MAGIX: variants seen among roughly 807,000 people sequenced by gnomAD.
The protein encoded by MAGIX is PDZ domain-containing protein MAGIX.
A neutral mutation model predicts 10.0 loss-of-function variants in MAGIX; 13 were observed. The observed-to-expected ratio is 1.30, with a 90% CI of 0.84 to 2.06. The LOEUF (loss-of-function observed/expected upper bound fraction) is 2.06. Ranked by LOEUF, MAGIX falls within the 30% of genes most tolerant of loss-of-function variation. MAGIX has a pLI of 0.00. For missense variants in MAGIX, 235 were observed against 245.2 expected (o/e 0.96, Z 0.28); for synonymous variants, 108 against 106.8 (o/e 1.01, Z -0.07).
At chrX:49,166,452 C>T in exon 5 of MAGIX, 1 of 1,008,339 alleles carries the variant, frequency 9.9e-7, no homozygotes, top group South Asian at 2.4e-5. Context: ...CTGGATCCGG[C>T]GCGTGTGGCC....
chrX:49,167,822 T>TAGTTTTATCCCTG (rs1337367738), exon 5 of MAGIX: 1 of 112,177 alleles, frequency 8.9e-6, no homozygotes, highest in Non-Finnish European at 1.9e-5. Flanking sequence ...ACCATGTACT[T>TAGTTTTATCCCTG]AGTTTTATCC....
Position 49,163,132 on chromosome X carries a change from G to T in MAGIX, c.-202+387G>T. The T allele has an allele frequency of 2.4e-5, 7 of 286,090 alleles. No individual in the cohort carries two copies. The South Asian group carries it at 1.4e-3, about 58-fold the overall frequency. The allele number at this position is 286,090 out of a possible 1,213,427, so 23.6% of individuals were successfully genotyped here. The stretch of plus-strand genomic sequence containing the variant: ...TCCCCTACCCACACCCACACACGAG[G>T]GAAAGGGCCGCGCACCAGAGCAGGG... On this transcript the variant is annotated intron_variant, in intron 1 of 4. Coordinates refer to ENST00000616266, the Ensembl canonical transcript of MAGIX.
rs1180167666 is a variant in MAGIX at position 49,163,886 on chromosome X, G to C, written c.-98G>C. 15 of 1,031,391 alleles carry C rather than the reference G, an allele frequency of 1.5e-5. No individual in the cohort carries two copies. In the East Asian group the frequency reaches 4.9e-4, roughly 34 times the overall value. The allele number at this position is 1,031,391 out of a possible 1,213,427, so 85.0% of individuals were successfully genotyped here. On this transcript the variant is annotated 5_prime_UTR_variant, in exon 2 of 5. Transcript: ENST00000616266. ...GAGCTGCGGTCGACGTGGCAGCGCT[G>C]GTACGCAGGGCGGGCGCCACATTGC...
chrX:49,163,860 C>G (rs782285552), exon 2 of MAGIX: 1 of 1,038,176 alleles, frequency 9.6e-7, no homozygotes, highest in East Asian at 4.1e-5. Context: ...CCTGGCGGCG[C>G]GAGCTGCGGT....
intron 1 of MAGIX, chrX:49,162,808 T>C: frequency 1.8e-6 from 1 of 569,555 alleles, no homozygotes; most frequent in Non-Finnish European, 2.6e-6. Flanking sequence ...CTCCAGGGCC[T>C]GGGCGGGCCG....
At chrX:49,163,884 C>G in exon 2 of MAGIX, 1 of 1,034,347 alleles carries the variant, frequency 9.7e-7, no homozygotes. Flanking sequence ...CGTGGCAGCG[C>G]TGGTACGCAG....
rs187168174 is a variant in MAGIX at position 49,165,544 on chromosome X, C to T, written c.502+183C>T. On this transcript the variant is annotated intron_variant, in intron 4 of 4. Coordinates refer to ENST00000616266, the Ensembl canonical transcript of MAGIX. The stretch of plus-strand genomic sequence containing the variant: ...GTACAGGGTCCCAGGATAGGAATAA[C>T]GTAGGGGCAGGGAGGGGTGTCAGTC... 1.2e-3 allele frequency: 478 copies of T among 398,153 alleles called. 2 individuals carry two copies. The highest frequency in any genetic ancestry group is 1.7e-3 in the Non-Finnish European group (404 of 241,085). The allele number at this position is 398,153 out of a possible 1,213,427, so 32.8% of individuals were successfully genotyped here.
At chrX:49,162,883 A>G in intron 1 of MAGIX, 2 of 902,884 alleles carry the variant, frequency 2.2e-6, no homozygotes, top group Non-Finnish European at 3.0e-6. Flanking sequence ...CCGGCGGACT[A>G]CTGGCCATGG....
intron 4 of MAGIX, chrX:49,165,775 G>A (rs191920191): frequency 1.5e-5 from 5 of 342,751 alleles, no homozygotes; most frequent in Admixed American, 5.3e-5. Context: ...TGGTTTGGGA[G>A]TCAACGGAGG....
exon 3 of MAGIX, chrX:49,164,785 C>T (rs781875366): frequency 2.5e-6 from 3 of 1,211,567 alleles, no homozygotes; most frequent in East Asian, 3.0e-5. Flanking sequence ...GATCACCGGC[C>T]CCAGGTACCA....
exon 5 of MAGIX, chrX:49,166,416 G>T: frequency 9.1e-7 from 1 of 1,102,248 alleles, no homozygotes; most frequent in Non-Finnish European, 1.2e-6. Context: ...CTCTGACAGC[G>T]CGGGGCTCAC....
At chrX:49,164,197 A>T in intron 2 of MAGIX, 1 of 263,666 alleles carries the variant, frequency 3.8e-6, no homozygotes, top group East Asian at 6.1e-5. Flanking sequence ...CTTTTTGAGG[A>T]GGCAGGGCCT....
chrX:49,162,815 G>A, intron 1 of MAGIX: 2 of 605,226 alleles, frequency 3.3e-6, no homozygotes, highest in Non-Finnish European at 4.8e-6. Context: ...GCCTGGGCGG[G>A]CCGCCAGGTG....
chrX:49,162,735 C>T, exon 1 of MAGIX: 1 of 326,369 alleles, frequency 3.1e-6, no homozygotes, highest in Non-Finnish European at 5.4e-6. Flanking sequence ...GGCCTCCTTG[C>T]TGGCCGCCAG....
Position 49,162,986 on chromosome X carries a change from T to C in MAGIX, c.-202+241T>C, listed in dbSNP as rs201161530. 356 of 432,634 alleles carry C rather than the reference T, an allele frequency of 8.2e-4. No homozygotes were observed. The East Asian group carries it at 0.015, about 18-fold the overall frequency. 35.7% of individuals were successfully genotyped at this position (432,634 alleles called of 1,213,427 possible). On this transcript the variant is annotated intron_variant, in intron 1 of 4. Transcript: ENST00000616266. ...GGAAGGACAGGGCGAGTCGCCGCCATCCCCGTCCCGCCTGTCTGCTCCACA... is the reference window on the plus strand; with the variant it reads ...GGAAGGACAGGGCGAGTCGCCGCCACCCCCGTCCCGCCTGTCTGCTCCACA...
At chrX:49,165,502 A>G (rs1292318511) in intron 4 of MAGIX, 141 bp downstream of exon 5, 18 of 546,036 alleles carry the variant, frequency 3.3e-5, no homozygotes, top group Non-Finnish European at 5.0e-5. Flanking sequence ...TATTCTCACA[A>G]GTAGGGGCAG....
At chrX:49,164,577 G>T in intron 2 of MAGIX, 130 bp from the exon 3 acceptor site, 1 of 570,869 alleles carries the variant, frequency 1.8e-6, no homozygotes, top group Non-Finnish European at 3.0e-6. Context: ...GTAAATGGTG[G>T]GCCAGTTTGT....
intron 1 of MAGIX, chrX:49,162,911 G>C (rs1484885229): frequency 3.7e-4 from 315 of 852,812 alleles, no homozygotes; most frequent in Non-Finnish European, 4.5e-4. Flanking sequence ...CACAGGGGAC[G>C]CCGCGGACCC....
chrX:49,164,547 A>G, intron 2 of MAGIX, 160 bp from the exon 3 acceptor site: 1 of 514,429 alleles, frequency 1.9e-6, no homozygotes, highest in Admixed American at 2.9e-5. Flanking sequence ...AACCTTTAAG[A>G]TTACTTGAGG....
Sources: gnomAD v4.1 joint callset for allele counts on GRCh38, gnomAD v4.1.1 for gene constraint, MANE v1.5 for transcripts, NCBI Gene and HGNC (gene_info 2026-07-23, HGNC 2026-07-21) for gene names.